Variants in DAXX observed in about 807,000 individuals in gnomAD.
DAXX encodes death domain associated protein.
In DAXX, 24 loss-of-function variants were observed where a neutral mutation model predicts 61.9. The ratio of observed to expected loss-of-function variants is 0.39; its 90% CI spans 0.28 to 0.55. The LOEUF (loss-of-function observed/expected upper bound fraction) is 0.55. Ranked by LOEUF, DAXX falls within the 20% of genes least tolerant of loss-of-function variation. The pLI, the probability that DAXX is intolerant of heterozygous loss-of-function variation, is 0.69. For missense variants in DAXX, 819 were observed against 935.3 expected (o/e 0.88, Z 1.62); for synonymous variants, 357 against 369.5 (o/e 0.97, Z 0.39).
chr6:33,318,958 G>C, intron 7 of DAXX, 39 bp downstream of exon 7: 1 of 1,560,954 alleles, frequency 6.4e-7, no homozygotes, highest in Non-Finnish European at 8.8e-7. Flanking sequence ...CAATGAAAGA[G>C]AACAAATTGT....
Position 33,320,719 on chromosome 6 carries a change from T to C in DAXX, c.1039+17A>G. 1.9e-6 allele frequency: 3 copies of C among 1,611,646 alleles called. No homozygotes were observed. The highest frequency in any genetic ancestry group is 8.5e-7 in the Non-Finnish European group (1 of 1,177,940). Reference sequence around the variant, plus strand: ...GACATATAAGGGTCACTGAGAGGCATCCCACCAACCCCCTACCTGGCCTAT... The same window carrying C: ...GACATATAAGGGTCACTGAGAGGCACCCCACCAACCCCCTACCTGGCCTAT... On this transcript the variant is annotated intron_variant, in intron 3 of 7. Transcript: ENST00000374542. This position sits in a 1 kb window ranked among gnomAD's most constrained non-coding sequence, Gnocchi z 7.1.
Position 33,319,166 on chromosome 6 carries a change from G to A in DAXX, c.1994C>T (p.Thr665Ile), listed in dbSNP as rs2150987612. Residue 665 changes from threonine to isoleucine, a missense_variant, in exon 7 of 8, where the codon ACC (threonine) becomes ATC (isoleucine). Transcript: ENST00000374542. ...CAAGGGGGAAGGTGGGCTGGGCAGG[G>A]TACATATCTTTTTCCCATTCTTCTC... ...VHEKNGKKIC[T>I]LPSPPSPLAS... is the part of the protein sequence containing the mutation. The A allele has an allele frequency of 6.2e-7, 1 of 1,612,716 alleles. No homozygotes were observed. The highest frequency in any genetic ancestry group is 8.5e-7 in the Non-Finnish European group (1 of 1,178,948).
rs202052797 is a variant in DAXX at position 33,320,879 on chromosome 6, C to G, written c.896G>C (p.Arg299Pro). The G allele has an allele frequency of 6.2e-7, 1 of 1,614,188 alleles. No homozygotes were observed. Among genetic ancestry groups the G allele is most frequent in the Non-Finnish European group, 8.5e-7 (1 of 1,180,030 alleles). The change falls in exon 3 of 8, where the codon CGA (arginine) becomes CCA (proline). Residue 299 changes from arginine to proline, a missense_variant. Transcript: ENST00000374542. The surrounding 1 kb of genome is among the most constrained non-coding windows in gnomAD (Gnocchi z 7.1). Reference protein sequence around the residue: ...VLRAVEKAAARHSLGLPRQQL... With the variant: ...VLRAVEKAAAPHSLGLPRQQL... ...CTGTCGGGGGAGGCCAAGGCTGTGT[C>G]GGGCAGCTGCCTTCTCTACAGCCCG...
chr6:33,320,854 C>G lies in DAXX; in HGVS notation c.921G>C (p.Gln307His), dbSNP rs778177513. ...CATCCTGAGCCATGAGCTGGAGCTGCTGTCGGGGGAGGCCAAGGCTGTGTC... is the reference window on the plus strand; with the variant it reads ...CATCCTGAGCCATGAGCTGGAGCTGGTGTCGGGGGAGGCCAAGGCTGTGTC... ...AARHSLGLPR[Q>H]QLQLMAQDAF... Residue 307 changes from glutamine to histidine, a missense_variant, in exon 3 of 8, where the codon CAG (glutamine) becomes CAC (histidine). Transcript: ENST00000374542. This position sits in a 1 kb window ranked among gnomAD's most constrained non-coding sequence, Gnocchi z 7.1. The G allele has an allele frequency of 1.2e-6, 2 of 1,614,210 alleles. No homozygotes were observed. Among genetic ancestry groups the G allele is most frequent in the Non-Finnish European group, 1.7e-6 (2 of 1,180,030 alleles).
Position 33,322,849 on chromosome 6 carries a change from G to A in DAXX, c.-53+13C>T, listed in dbSNP as rs758777889. On this transcript the variant is annotated intron_variant, in intron 1 of 7. Coordinates refer to ENST00000374542, the MANE Select transcript of DAXX (RefSeq NM_001141969.2). The stretch of plus-strand genomic sequence containing the variant: ...CGCCCCCGCCTCTGATCCCCGCACC[G>A]TCCGGCCCCCACCTCAGAAACCGTC... 5 of 567,952 alleles carry A rather than the reference G, an allele frequency of 8.8e-6. No individual in the cohort carries two copies. The highest frequency in any genetic ancestry group is 2.3e-5 in the South Asian group (1 of 43,884). The allele number at this position is 567,952 out of a possible 1,614,324, so 35.2% of individuals were successfully genotyped here.
rs577927719 is a variant in DAXX at position 33,319,866 on chromosome 6, G to A, written c.1466-12C>T. The stretch of plus-strand genomic sequence containing the variant: ...GTCTCCATCTTTACCTGGAAAAGAA[G>A]AAAAGGGGAGAGGGTAGCCTGAGAA... On this transcript the variant is annotated splice_polypyrimidine_tract_variant and intron_variant, in intron 5 of 7. Coordinates refer to ENST00000374542, the MANE Select transcript of DAXX (RefSeq NM_001141969.2). 3.0e-5 allele frequency: 48 copies of A among 1,602,204 alleles called. No individual in the cohort carries two copies. The highest frequency in any genetic ancestry group is 3.4e-5 in the Non-Finnish European group (40 of 1,174,226).
chr6:33,319,484 G>A lies in DAXX; in HGVS notation c.1836C>T (p.Ser612=), dbSNP rs764000410. The part of the protein sequence containing the change: ...ENGAGMVSST[S]FNGGVSPHNW... ...TGTGAGGAGAGACGCCTCCATTGAA[G>A]GAAGTAGAAGAGACCATGCCTGCTC... Residue 612 remains serine (S), a synonymous_variant, in exon 6 of 8, where the codon TCC becomes TCT. Transcript: ENST00000374542. 4.3e-6 allele frequency: 7 copies of A among 1,614,082 alleles called. No individual in the cohort carries two copies. The East Asian group carries it at 1.6e-4, about 36-fold the overall frequency.
In DAXX at chr6:33,319,020, G is replaced by A. The variant is rs1409799369; in HGVS notation, c.2140C>T (p.Pro714Ser). 5.0e-6 allele frequency: 8 copies of A among 1,613,494 alleles called. No individual in the cohort carries two copies. Among genetic ancestry groups the A allele is most frequent in the Non-Finnish European group, 6.8e-6 (8 of 1,179,948 alleles). ...ARLSQTPHSQ[P>S]PRPGTCKTSV... is the part of the protein sequence containing the mutation. ...ACCTTGCAAGTACCAGGCCGAGGAG[G>A]CTGTGAATGGGGGGTTTGGGACAGC... The change falls in exon 7 of 8, where the codon CCT becomes TCT. Residue 714 changes from proline (P) to serine (S), a missense_variant. By Grantham distance (74) the Pro-to-Ser change is moderately conservative. Coordinates refer to ENST00000374542, the MANE Select transcript of DAXX (RefSeq NM_001141969.2).
chr6:33,321,593 G>A lies in DAXX; in HGVS notation c.208-26C>T. Reference sequence around the variant, plus strand: ...CTAGAAGGTTCAGGGGAAGAAGGAAGGGGAAGAGAGACAAGGGAGGGGGTT... The same window carrying A: ...CTAGAAGGTTCAGGGGAAGAAGGAAAGGGAAGAGAGACAAGGGAGGGGGTT... On this transcript the variant is annotated intron_variant, in intron 2 of 7. Transcript: ENST00000374542. The surrounding 1 kb of genome is among the most constrained non-coding windows in gnomAD (Gnocchi z 7.2). 6.2e-7 allele frequency: 1 copy of A among 1,605,886 alleles called. No individual in the cohort carries two copies. Among genetic ancestry groups the A allele is most frequent in the Non-Finnish European group, 8.5e-7 (1 of 1,173,904 alleles).
In DAXX at chr6:33,320,050, C is replaced by T; in HGVS notation, c.1426G>A (p.Asp476Asn). Reference protein sequence around the residue: ...DLEQMQEGQEDDEEEDEEEEA... With the variant: ...DLEQMQEGQENDEEEDEEEEA... ...TCCTCTTCGTCCTCCTCTTCATCAT[C>T]CTCCTGACCCTCCTGCATCTGTTCC... The change falls in exon 5 of 8, where the codon GAT (aspartate) becomes AAT (asparagine). Residue 476 changes from aspartate to asparagine, a missense_variant. Physicochemically the swap from Asp to Asn is conservative, Grantham distance 23. Transcript: ENST00000374542. This position sits in a 1 kb window ranked among gnomAD's most constrained non-coding sequence, Gnocchi z 7.1. The T allele has an allele frequency of 6.2e-7, 1 of 1,613,218 alleles. No individual in the cohort carries two copies. The highest frequency in any genetic ancestry group is 1.1e-5 in the South Asian group (1 of 91,000).
chr6:33,318,906 G>C, intron 7 of DAXX, 91 bp downstream of exon 7: 1 of 1,315,384 alleles, frequency 7.6e-7, no homozygotes, highest in Non-Finnish European at 1.1e-6. Flanking sequence ...GAAGAGACAG[G>C]ATGTGGCACG....
At chr6:33,322,705 T>TCC in intron 1 of DAXX, 157 bp downstream of exon 1, 1 of 350,362 alleles carries the variant, frequency 2.9e-6, no homozygotes, top group Non-Finnish European at 5.6e-6. Context: ...TCCCGCCAAA[T>TCC]CCCCCTCCCC....
In DAXX at chr6:33,320,827, G is replaced by C; in HGVS notation, c.948C>G (p.Ala316=). The change falls in exon 3 of 8, where the codon GCC becomes GCG. Residue 316 remains alanine (A), a synonymous_variant. Transcript: ENST00000374542. This position sits in a 1 kb window ranked among gnomAD's most constrained non-coding sequence, Gnocchi z 7.1. The stretch of plus-strand genomic sequence containing the variant: ...GTAACCTGATGCCCACATCTCGGAA[G>C]GCATCCTGAGCCATGAGCTGGAGCT... The part of the protein sequence containing the change: ...RQQLQLMAQD[A]FRDVGIRLQE... 3 of 1,614,184 alleles carry C rather than the reference G, an allele frequency of 1.9e-6. No individual in the cohort carries two copies. The highest frequency in any genetic ancestry group is 2.5e-6 in the Non-Finnish European group (3 of 1,180,038).
At chr6:33,322,741 C>A in intron 1 of DAXX, 121 bp downstream of exon 1, 1 of 396,076 alleles carries the variant, frequency 2.5e-6, no homozygotes, top group South Asian at 2.3e-5. Context: ...CCGCTCCACT[C>A]CCTTTCAGGG....
rs1770240781 is a variant in DAXX at position 33,319,439 on chromosome 6, G to A, written c.1881C>T (p.Pro627=). 1 of 1,613,354 alleles carries A rather than the reference G, an allele frequency of 6.2e-7. No individual in the cohort carries two copies. Among genetic ancestry groups the A allele is most frequent in the East Asian group, 2.2e-5 (1 of 44,872 alleles). Residue 627 remains proline, a synonymous_variant, in exon 6 of 8, where the codon CCC becomes CCT. Transcript: ENST00000374542. The stretch of plus-strand genomic sequence containing the variant: ...TCTCCTTCCGAGATTTTTTGCAGGG[G>A]GGACCAGAATCTCCCCAGTTGTGAG... ...VSPHNWGDSG[P]PCKKSRKEKK... is the part of the protein sequence containing the mutation.
At position 33,322,925 on chromosome 6, in the gene DAXX, G is replaced by A. The variant is rs757832159; in HGVS notation, c.-116C>T. 3.5e-6 allele frequency: 5 copies of A among 1,415,674 alleles called. No homozygotes were observed. The highest frequency in any genetic ancestry group is 3.4e-5 in the South Asian group (3 of 87,900). The allele number at this position is 1,415,674 out of a possible 1,614,324, so 87.7% of individuals were successfully genotyped here. A position where few individuals can be genotyped will look rare whatever the true frequency, so the allele number is the denominator to read the frequency against. On this transcript the variant is annotated 5_prime_UTR_variant, in exon 1 of 8. Coordinates refer to ENST00000374542, the MANE Select transcript of DAXX (RefSeq NM_001141969.2). ...CTCAGAACCTCGCATGGTTCCCTCC[G>A]CCTTCCTTCCCACTCCCACCGCAGG...
Position 33,321,838 on chromosome 6 carries a change from T to G in DAXX, c.88A>C (p.Asn30His). The G allele has an allele frequency of 6.2e-7, 1 of 1,612,014 alleles. No individual in the cohort carries two copies. The highest frequency in any genetic ancestry group is 8.5e-7 in the Non-Finnish European group (1 of 1,178,690). ...AQPGPSHPLP[N>H]AASPGAEAPS... Reference sequence around the variant, plus strand: ...GCTTCTGCCCCAGGTGAGGCCGCATTGGGGAGTGGGTGGGAGGGCCCTGGC... The same window carrying G: ...GCTTCTGCCCCAGGTGAGGCCGCATGGGGGAGTGGGTGGGAGGGCCCTGGC... The change falls in exon 2 of 8, where the codon AAT (asparagine) becomes CAT (histidine). Residue 30 changes from asparagine (N) to histidine (H), a missense_variant. Physicochemically the swap from Asn to His is moderately conservative, Grantham distance 68. Transcript: ENST00000374542. The surrounding 1 kb of genome is among the most constrained non-coding windows in gnomAD (Gnocchi z 7.2).
chr6:33,322,666 G>A (rs1401731279), intron 1 of DAXX, 196 bp downstream of exon 1: 6 of 360,992 alleles, frequency 1.7e-5, no homozygotes, highest in African/African-American at 4.3e-5. Context: ...GATCCCAACC[G>A]TGGGTCCGGC....
chr6:33,319,745 T>C lies in DAXX; in HGVS notation c.1575A>G (p.Gly525=). The change falls in exon 6 of 8, where the codon GGA becomes GGG. Residue 525 remains glycine (G), a synonymous_variant. Transcript: ENST00000374542. The stretch of plus-strand genomic sequence containing the variant: ...ACAGTAACGATGGTGACACTATGCG[T>C]CCTTTGTTTTGCTGCTCCCCTGAAG... ...SRSSGEQQNK[G]RIVSPSLLSE... is the part of the protein sequence containing the mutation. The C allele has an allele frequency of 3.1e-6, 5 of 1,614,218 alleles. No homozygotes were observed. The highest frequency in any genetic ancestry group is 4.2e-6 in the Non-Finnish European group (5 of 1,180,032).
Sources: gnomAD v4.1 joint callset for allele counts on GRCh38, gnomAD v4.1.1 for gene constraint, Gnocchi (gnomAD v3.1) non-coding constraint, MANE v1.5 for transcripts, NCBI Gene and HGNC (gene_info 2026-07-23, HGNC 2026-07-21) for gene names.